RBM20: variants seen among roughly 807,000 people sequenced by gnomAD.
The protein encoded by RBM20 is RNA binding motif protein 20, also known as RNA-binding protein 20.
Under a neutral mutation model 110.1 loss-of-function variants are expected in RBM20, and 51 were observed. That is an observed-to-expected ratio of 0.46 (90% confidence interval 0.37 to 0.59). RBM20 has a LOEUF of 0.59. Ranked by LOEUF, RBM20 falls within the 20% of genes least tolerant of loss-of-function variation. The pLI, the probability that RBM20 is intolerant of heterozygous loss-of-function variation, is 0.00. For missense variants in RBM20, 1,512 were observed against 1,574.9 expected (o/e 0.96, Z 0.68); for synonymous variants, 589 against 618.2 (o/e 0.95, Z 0.70).
At chr10:110,777,600 G>T (rs1041257086) in intron 1 of RBM20, among the ~76,000 whole-genome samples, 9 of 152,128 alleles carry the variant, frequency 5.9e-5, no homozygotes, top group Non-Finnish European at 1.3e-4. Context: ...ATTTTTTGAG[G>T]AATCTGAATG....
At chr10:110,766,470 C>T (rs1479239593) in intron 1 of RBM20, among the ~76,000 whole-genome samples, 1 of 151,770 alleles carries the variant, frequency 6.6e-6, no homozygotes. Context: ...GAGGACCCTG[C>T]GGCCTTCCGC....
intron 7 of RBM20, 26 bp downstream of exon 7, chr10:110,799,944 T>C (rs1430489459): frequency 1.3e-6 from 2 of 1,550,196 alleles, no homozygotes; most frequent in East Asian, 4.9e-5. Flanking sequence ...GCTCATTCAG[T>C]CATTCAACAA....
chr10:110,831,531 C>G (rs1261445660), intron 13 of RBM20: 1 of 181,920 alleles, frequency 5.5e-6, no homozygotes, highest in Admixed American at 5.8e-5. Context: ...ACCTCTCCCT[C>G]TATACTGTGA....
intron 1 of RBM20, among the ~76,000 whole-genome samples, chr10:110,710,928 A>C (rs1471810484): frequency 6.6e-6 from 1 of 152,148 alleles, no homozygotes; most frequent in Non-Finnish European, 1.5e-5. Flanking sequence ...AGGCTCCTAC[A>C]TGTGGAGGTT....
intron 10 of RBM20, 116 bp from the exon 11 acceptor site, chr10:110,821,159 A>G: frequency 2.5e-6 from 2 of 814,162 alleles, no homozygotes; most frequent in Admixed American, 2.6e-5. Context: ...TGTACCAGGT[A>G]GAGGTAAGAA....
intron 1 of RBM20, among the ~76,000 whole-genome samples, chr10:110,714,331 G>T (rs1002103039): frequency 6.6e-6 from 1 of 152,240 alleles, no homozygotes. Context: ...TTGTTTGGCA[G>T]ATGTCTCTAG....
chr10:110,646,486 G>A (rs533770911), intron 1 of RBM20, among the ~76,000 whole-genome samples: 7 of 152,198 alleles, frequency 4.6e-5, no homozygotes, highest in Admixed American at 2.0e-4. Flanking sequence ...CTCAAGAAGC[G>A]CCTCATGGCT....
intron 1 of RBM20, among the ~76,000 whole-genome samples, chr10:110,718,868 G>A (rs375865490): frequency 1.3e-5 from 2 of 151,826 alleles, no homozygotes; most frequent in African/African-American, 2.4e-5. Flanking sequence ...CACCCATCTC[G>A]GCCTCCCAAA....
At chr10:110,721,690 C>A (rs11195283) in intron 1 of RBM20, among the ~76,000 whole-genome samples, 38,201 of 152,072 alleles carry the variant, frequency 0.25, 6,172 homozygotes, top group East Asian at 0.65. Flanking sequence ...GTGAAAGTGT[C>A]TCCCTATTTC....
chr10:110,680,298 G>A (rs1590612797), intron 1 of RBM20, among the ~76,000 whole-genome samples: 2 of 152,248 alleles, frequency 1.3e-5, no homozygotes, highest in South Asian at 4.1e-4. Flanking sequence ...GAGTGGGGAG[G>A]GGTGGCACTG....
chr10:110,723,025 T>G (rs1843525520), intron 1 of RBM20, among the ~76,000 whole-genome samples: 1 of 151,658 alleles, frequency 6.6e-6, no homozygotes. Context: ...GGCAGGAGAA[T>G]TGCTTGAACC....
At chr10:110,671,100 G>A (rs972171636) in intron 1 of RBM20, among the ~76,000 whole-genome samples, 9 of 152,162 alleles carry the variant, frequency 5.9e-5, no homozygotes, top group African/African-American at 9.7e-5. Context: ...GCCTAGAAAC[G>A]TCTCCAATCA....
In RBM20 at chr10:110,752,461, G is replaced by C. The variant is rs117209931; in HGVS notation, c.192-28340G>C. Among the ~76,000 whole-genome samples, 205 of 152,208 alleles carry C rather than the reference G, an allele frequency of 1.3e-3. 2 individuals carry two copies. The East Asian group carries it at 0.023, about 17-fold the overall frequency. On this transcript the variant is annotated intron_variant, in intron 1 of 13. Transcript: ENST00000369519. ...CATTCACCTGCTGAAAGACATCTTG[G>C]TTTCTTTCATGTTTTGGCAATTCTG...
chr10:110,701,500 G>A (rs796341688), intron 1 of RBM20, among the ~76,000 whole-genome samples: 6 of 152,330 alleles, frequency 3.9e-5, no homozygotes, highest in African/African-American at 1.2e-4. Context: ...TTAGTGTTAA[G>A]TTACAGTGCC....
chr10:110,814,975 CATTA>C (rs1322920551), intron 9 of RBM20, among the ~76,000 whole-genome samples: 1 of 152,142 alleles, frequency 6.6e-6, no homozygotes, highest in Non-Finnish European at 1.5e-5. Flanking sequence ...TTATTCAACT[CATTA>C]ATTAATGACG....
At position 110,812,513 on chromosome 10, in the gene RBM20, C is replaced by T; in HGVS notation, c.2116C>T (p.Pro706Ser). Reference sequence around the variant, plus strand: ...AGATGACAAGAGGGACAGGATGGACCCCTGGGCACATGATCGCAAACACCA... The same window carrying T: ...AGATGACAAGAGGGACAGGATGGACTCCTGGGCACATGATCGCAAACACCA... ...NGDDKRDRMD[P>S]WAHDRKHHPR... The change falls in exon 9 of 14, where the codon CCC becomes TCC. Residue 706 changes from proline (P) to serine (S), a missense_variant. Physicochemically the swap from Pro to Ser is moderately conservative, Grantham distance 74. Coordinates refer to ENST00000369519, the MANE Select transcript of RBM20 (RefSeq NM_001134363.3). 6.4e-7 allele frequency: 1 copy of T among 1,551,686 alleles called. No individual in the cohort carries two copies.
chr10:110,803,873 G>T (rs1472682411), intron 7 of RBM20, among the ~76,000 whole-genome samples: 1 of 149,350 alleles, frequency 6.7e-6, no homozygotes, highest in Non-Finnish European at 1.5e-5. Flanking sequence ...AAACGTCCAG[G>T]AGTAGATCTG....
In RBM20 at chr10:110,835,859, T is replaced by C; in HGVS notation, c.3574-9T>C. On this transcript the variant is annotated splice_polypyrimidine_tract_variant and intron_variant, in intron 13 of 13. Coordinates refer to ENST00000369519, the MANE Select transcript of RBM20 (RefSeq NM_001134363.3). ...GCCCCTTCCTCCACTTCCCCTCTTCTTTCCACAGAAATATTTGTCCCAGCT... is the reference window on the plus strand; with the variant it reads ...GCCCCTTCCTCCACTTCCCCTCTTCCTTCCACAGAAATATTTGTCCCAGCT... The C allele has an allele frequency of 1.3e-6, 2 of 1,550,812 alleles. No individual in the cohort carries two copies. The highest frequency in any genetic ancestry group is 1.7e-6 in the Non-Finnish European group (2 of 1,146,384).
chr10:110,676,892 A>T (rs949592703), intron 1 of RBM20, among the ~76,000 whole-genome samples: 5 of 152,238 alleles, frequency 3.3e-5, no homozygotes, highest in Admixed American at 2.6e-4. Flanking sequence ...TAATGTTTTT[A>T]AAAAATCTCA....
Sources: gnomAD v4.1 joint callset for allele counts (sites outside exome capture counted in the v4.1 genomes callset) on GRCh38, gnomAD v4.1.1 for gene constraint, MANE v1.5 for transcripts, NCBI Gene and HGNC (gene_info 2026-07-23, HGNC 2026-07-21) for gene names.